ST18: variants seen among roughly 807,000 people sequenced by gnomAD.
The protein encoded by ST18 is suppression of tumorigenicity 18 protein.
ST18 carries 50 observed loss-of-function variants against 110.0 expected under a neutral mutation model. That is an observed-to-expected ratio of 0.45 (90% CI 0.36 to 0.58). The LOEUF (loss-of-function observed/expected upper bound fraction) is 0.58. Among genes scored for constraint, ST18 ranks in the 20% least tolerant of loss-of-function variants. The pLI is 0.00. For synonymous variants in ST18, 461 were observed against 452.4 expected, an observed-to-expected ratio of 1.02 and a Z score of -0.24; for missense variants, 1,306 against 1,280.1, an observed-to-expected ratio of 1.02 and a Z score of -0.31.
intron 2 of ST18, among the ~76,000 whole-genome samples, chr8:52,345,060 T>C (rs928890789): frequency 2.0e-5 from 3 of 152,320 alleles, no homozygotes; most frequent in East Asian, 1.9e-4. Flanking sequence ...TCTCAATACA[T>C]ATAATTATAA....
intron 2 of ST18, among the ~76,000 whole-genome samples, chr8:52,268,021 T>C (rs1413633364): frequency 2.0e-5 from 3 of 152,194 alleles, no homozygotes; most frequent in African/African-American, 7.2e-5. Context: ...TGGTGACTTA[T>C]TGTTATTTGT....
chr8:52,210,679 A>G (rs2081882204), intron 8 of ST18, among the ~76,000 whole-genome samples: 1 of 152,118 alleles, frequency 6.6e-6, no homozygotes, highest in South Asian at 2.1e-4. Context: ...CAAAAAAATA[A>G]ATAAATAAAA....
At position 52,172,382 on chromosome 8, in the gene ST18, T is replaced by C. The variant is rs2065274477; in HGVS notation, c.479A>G (p.Glu160Gly). Reference protein sequence around the residue: ...NDSGIQSLKAESDEADECFLI... With the variant: ...NDSGIQSLKAGSDEADECFLI... ...AAAGCACTCGTCTGCTTCATCGCTCTCTGCTTTTAAAGACTGGATGCCACT... is the reference window on the plus strand; with the variant it reads ...AAAGCACTCGTCTGCTTCATCGCTCCCTGCTTTTAAAGACTGGATGCCACT... The change falls in exon 10 of 26, where the codon GAG becomes GGG. Residue 160 changes from glutamate to glycine, a missense_variant. Transcript: ENST00000689386. The C allele has an allele frequency of 3.1e-6, 5 of 1,614,112 alleles. No homozygotes were observed. The highest frequency in any genetic ancestry group is 4.2e-6 in the Non-Finnish European group (5 of 1,180,022).
chr8:52,156,652 T>C (rs896175976), intron 15 of ST18, among the ~76,000 whole-genome samples: 2 of 152,208 alleles, frequency 1.3e-5, no homozygotes, highest in East Asian at 3.8e-4. Context: ...AATTCAGGAA[T>C]AAATGAGATT....
chr8:52,161,488 T>C lies in ST18; in HGVS notation c.1481A>G (p.Gln494Arg). 6.2e-7 allele frequency: 1 copy of C among 1,614,240 alleles called. No homozygotes were observed. Among genetic ancestry groups the C allele is most frequent in the Non-Finnish European group, 8.5e-7 (1 of 1,180,040 alleles). The change falls in exon 14 of 26, where the codon CAA becomes CGA. Residue 494 changes from glutamine (Q) to arginine (R), a missense_variant. Coordinates refer to ENST00000689386, the MANE Select transcript of ST18 (RefSeq NM_001352837.2). Reference sequence around the variant, plus strand: ...AAATGGTACTTTTCCAAACTTCTCTTGTTCTTTTGACACTGTGGCTCTGGG... The same window carrying C: ...AAATGGTACTTTTCCAAACTTCTCTCGTTCTTTTGACACTGTGGCTCTGGG... ...TSPRATVSKE[Q>R]EKFGKVPFDY...
At chr8:52,267,991 T>G (rs2094929205) in intron 2 of ST18, among the ~76,000 whole-genome samples, 1 of 152,214 alleles carries the variant, frequency 6.6e-6, no homozygotes, top group African/African-American at 2.4e-5. Flanking sequence ...AAGATCATAG[T>G]TCACCCCAAA....
In ST18 at chr8:52,337,227, T is replaced by C. The variant is rs917128800; in HGVS notation, c.-465+72101A>G. 2.6e-5 allele frequency among the ~76,000 whole-genome samples: 4 copies of C among 152,190 alleles called. 1 individual carries two copies. The highest frequency in any genetic ancestry group is 2.0e-4 in the Admixed American group (3 of 15,284). On this transcript the variant is annotated intron_variant, in intron 2 of 25. Coordinates refer to ENST00000689386, the MANE Select transcript of ST18 (RefSeq NM_001352837.2). ...AAAGTCAACAATGTGACATTTGCCA[T>C]AAGAAAAACAGAAAGATGGGGCTGA...
At chr8:52,241,456 T>G (rs959358658) in intron 2 of ST18, among the ~76,000 whole-genome samples, 2 of 152,260 alleles carry the variant, frequency 1.3e-5, no homozygotes, top group East Asian at 3.8e-4. Context: ...ATAGTGAAAC[T>G]GCATGTGGCC....
At chr8:52,298,388 G>GA (rs1231666114) in intron 2 of ST18, among the ~76,000 whole-genome samples, 2 of 152,130 alleles carry the variant, frequency 1.3e-5, no homozygotes, top group Non-Finnish European at 2.9e-5. Context: ...TGATGACATG[G>GA]AAAAAGCCTC....
intron 15 of ST18, among the ~76,000 whole-genome samples, chr8:52,151,895 A>G (rs1483896476): frequency 6.6e-6 from 1 of 152,272 alleles, no homozygotes; most frequent in Non-Finnish European, 1.5e-5. Context: ...GCAGAGTTTT[A>G]TAGTGCAAAA....
intron 2 of ST18, among the ~76,000 whole-genome samples, chr8:52,287,027 C>A (rs1200868664): frequency 6.6e-6 from 1 of 152,116 alleles, no homozygotes; most frequent in Non-Finnish European, 1.5e-5. Flanking sequence ...ATATCCAAGG[C>A]TGAAACAGGT....
intron 9 of ST18, among the ~76,000 whole-genome samples, chr8:52,173,731 G>A (rs2065858027): frequency 6.6e-6 from 1 of 152,152 alleles, no homozygotes; most frequent in Non-Finnish European, 1.5e-5. Context: ...AGCAGGGTGG[G>A]GGGATGGGAA....
At position 52,172,618 on chromosome 8, in the gene ST18, G is replaced by A. The variant is rs1180071009; in HGVS notation, c.278-35C>T. On this transcript the variant is annotated intron_variant, in intron 9 of 25. Transcript: ENST00000689386. ...AAGAAAACCAATATTTGAAGAGCAAGAACAAAAAATATTTTAGGAAAATTG... is the reference window on the plus strand; with the variant it reads ...AAGAAAACCAATATTTGAAGAGCAAAAACAAAAAATATTTTAGGAAAATTG... The A allele has an allele frequency of 2.0e-6, 3 of 1,496,666 alleles. No homozygotes were observed. In the Admixed American group the frequency reaches 7.4e-5, roughly 37 times the overall value. The allele number at this position is 1,496,666 out of a possible 1,614,324, so 92.7% of individuals were successfully genotyped here.
intron 7 of ST18, among the ~76,000 whole-genome samples, chr8:52,212,825 G>C (rs1272205249): frequency 6.6e-6 from 1 of 152,148 alleles, no homozygotes; most frequent in Non-Finnish European, 1.5e-5. Context: ...TCATGCCTGT[G>C]CCAGAGGAAT....
At chr8:52,198,614 C>G (rs2076941295) in intron 8 of ST18, among the ~76,000 whole-genome samples, 1 of 152,044 alleles carries the variant, frequency 6.6e-6, no homozygotes, top group Admixed American at 6.6e-5. Flanking sequence ...ACTGAGTTAG[C>G]AGGGATCACC....
At chr8:52,162,435 C>A (rs2061703515) in intron 13 of ST18, among the ~76,000 whole-genome samples, 1 of 152,192 alleles carries the variant, frequency 6.6e-6, no homozygotes, top group African/African-American at 2.4e-5. Flanking sequence ...GTACAGACAC[C>A]AGAGATTTGA....
intron 2 of ST18, among the ~76,000 whole-genome samples, chr8:52,386,128 C>T (rs1836640092): frequency 6.6e-6 from 1 of 152,140 alleles, no homozygotes; most frequent in South Asian, 2.1e-4. Context: ...GTAGAAACGT[C>T]CATCCAATGA....
At chr8:52,174,841 C>A (rs111347674) in intron 9 of ST18, among the ~76,000 whole-genome samples, 2 of 152,218 alleles carry the variant, frequency 1.3e-5, no homozygotes, top group East Asian at 1.9e-4. Context: ...TTCCACCCCC[C>A]TCCCAGGCTT....
At chr8:52,213,601 C>T (rs1295418796) in intron 7 of ST18, among the ~76,000 whole-genome samples, 1 of 152,172 alleles carries the variant, frequency 6.6e-6, no homozygotes, top group Admixed American at 6.5e-5. Flanking sequence ...TATTGCCAGT[C>T]AATCCTGTTT....
Sources: gnomAD v4.1 joint callset for allele counts (sites outside exome capture counted in the v4.1 genomes callset) on GRCh38, gnomAD v4.1.1 for gene constraint, MANE v1.5 for transcripts, NCBI Gene and HGNC (gene_info 2026-07-23, HGNC 2026-07-21) for gene names.